The following PCDHA4 variants were observed in gnomAD, a reference collection of about 807,000 sequenced individuals.
PCDHA4 encodes protocadherin alpha-4.
PCDHA4 carries 49 observed loss-of-function variants against 61.4 expected under a neutral mutation model. The ratio of observed to expected loss-of-function variants is 0.80; its 90% CI spans 0.63 to 1.01. The LOEUF (loss-of-function observed/expected upper bound fraction) is 1.01, where lower values mean the gene tolerates loss of function less well. Ranked by LOEUF, PCDHA4 falls within the 50% of genes least tolerant of loss-of-function variation. The pLI is 0.00. For synonymous variants in PCDHA4, 590 were observed against 550.3 expected, an observed-to-expected ratio of 1.07 and a Z score of -1.01; for missense variants, 1,254 against 1,235.8, an observed-to-expected ratio of 1.01 and a Z score of -0.22.
chr5:140,886,843 A>G (rs1247447766), intron 1 of PCDHA4, among the ~76,000 whole-genome samples: 8 of 150,852 alleles, frequency 5.3e-5, no homozygotes, highest in African/African-American at 1.5e-4. Flanking sequence ...AAAAAAAAAA[A>G]AAAAGAAAGG....
chr5:140,918,496 A>G lies in PCDHA4; in HGVS notation c.2386-60453A>G, dbSNP rs79827125. Among the ~76,000 whole-genome samples the G allele has an allele frequency of 8.0e-3, 1,215 of 152,276 alleles. 6 individuals are homozygous for G. Among genetic ancestry groups the G allele is most frequent in the African/African-American group, 0.019 (784 of 41,558 alleles). On this transcript the variant is annotated intron_variant, in intron 1 of 3. Transcript: ENST00000530339. ...TCTCAAGGGGAATGCTTTGGATGGT[A>G]CCAATCCTTTTAAACTTATTGAGGA...
chr5:140,829,771 C>A, intron 1 of PCDHA4: 5 of 1,613,808 alleles, frequency 3.1e-6, no homozygotes, highest in Middle Eastern at 1.7e-4. Context: ...ACGAGAACGA[C>A]AACGCGCCGG....
intron 1 of PCDHA4, chr5:140,857,098 T>G: frequency 6.3e-7 from 1 of 1,597,572 alleles, no homozygotes; most frequent in Non-Finnish European, 8.6e-7. Context: ...CTGAGGTGAT[T>G]GTCACTTCTC....
intron 1 of PCDHA4, among the ~76,000 whole-genome samples, chr5:140,959,036 GTATGT>G (rs2095460948): frequency 6.6e-6 from 1 of 152,032 alleles, no homozygotes; most frequent in African/African-American, 2.4e-5. Flanking sequence ...TCATGGGTAT[GTATGT>G]ATAGGAAAAA....
intron 1 of PCDHA4, chr5:140,815,483 C>T (rs1343193235): frequency 1.3e-5 from 2 of 151,950 alleles, no homozygotes; most frequent in Admixed American, 1.3e-4. Context: ...TCTCCCCTAC[C>T]CAAATTTTAT....
At chr5:140,968,661 T>C (rs1554230945) in intron 1 of PCDHA4, 1 of 1,614,182 alleles carries the variant, frequency 6.2e-7, no homozygotes, top group East Asian at 2.2e-5. Flanking sequence ...GACCTGGACC[T>C]CTTTAAGGTA....
chr5:140,855,858 G>C (rs1203638572), intron 1 of PCDHA4: 4 of 715,822 alleles, frequency 5.6e-6, no homozygotes, highest in Non-Finnish European at 9.0e-6. Context: ...ACCGGATGTC[G>C]CTGTCGTCCA....
chr5:140,886,129 A>G (rs1428853250), intron 1 of PCDHA4, among the ~76,000 whole-genome samples: 1 of 152,224 alleles, frequency 6.6e-6, no homozygotes, highest in Non-Finnish European at 1.5e-5. Flanking sequence ...TTCCGTAACA[A>G]CCAGATTCTT....
intron 1 of PCDHA4, chr5:140,876,130 C>T: frequency 6.2e-7 from 1 of 1,613,938 alleles, no homozygotes; most frequent in Non-Finnish European, 8.5e-7. Context: ...TGGCGGTAAA[C>T]CAGAACTAAC....
chr5:140,967,555 C>T, intron 1 of PCDHA4: 4 of 1,614,008 alleles, frequency 2.5e-6, no homozygotes, highest in Non-Finnish European at 3.4e-6. Flanking sequence ...CCACTTATCG[C>T]GTCCAGCTAC....
At chr5:140,862,076 C>A (rs782160778) in intron 1 of PCDHA4, 1 of 157,430 alleles carries the variant, frequency 6.4e-6, no homozygotes, top group Non-Finnish European at 1.4e-5. Context: ...TCTCCCCTAA[C>A]ATAGAAGCCC....
chr5:140,831,811 G>A (rs1771711397), intron 1 of PCDHA4, among the ~76,000 whole-genome samples: 1 of 152,006 alleles, frequency 6.6e-6, no homozygotes, highest in African/African-American at 2.4e-5. Flanking sequence ...CTGTAAAGTT[G>A]GAATGATAAA....
intron 1 of PCDHA4, chr5:140,843,794 T>G: frequency 7.3e-7 from 1 of 1,365,430 alleles, no homozygotes; most frequent in East Asian, 2.3e-5. Flanking sequence ...CAGATTTAGT[T>G]TTTCACCGTA....
chr5:140,870,955 C>T, intron 1 of PCDHA4: 1 of 1,613,632 alleles, frequency 6.2e-7, no homozygotes, highest in Non-Finnish European at 8.5e-7. Context: ...GGGCGGCTCG[C>T]GCATCCCGTT....
intron 1 of PCDHA4, among the ~76,000 whole-genome samples, chr5:140,917,890 T>C (rs782473137): frequency 1.3e-5 from 2 of 152,098 alleles, no homozygotes; most frequent in Non-Finnish European, 2.9e-5. Context: ...TTTTTTTCCA[T>C]ATGAATGTTA....
intron 1 of PCDHA4, among the ~76,000 whole-genome samples, chr5:140,954,167 CT>C (rs1366012595): frequency 2.6e-5 from 4 of 152,212 alleles, no homozygotes; most frequent in African/African-American, 9.6e-5. Context: ...ACCACATTTT[CT>C]TTATCCAGTC....
At chr5:140,855,140 G>C (rs2043352790) in intron 1 of PCDHA4, among the ~76,000 whole-genome samples, 1 of 149,686 alleles carries the variant, frequency 6.7e-6, no homozygotes. Context: ...TTTGCCTGAT[G>C]AGCCAAATTT....
At chr5:140,845,420 A>T (rs954218239) in intron 1 of PCDHA4, among the ~76,000 whole-genome samples, 2 of 149,530 alleles carry the variant, frequency 1.3e-5, no homozygotes, top group Admixed American at 6.7e-5. Flanking sequence ...GCAATTTATC[A>T]TTTAAGTCAT....
intron 1 of PCDHA4, chr5:140,871,371 G>T: frequency 6.2e-7 from 1 of 1,614,202 alleles, no homozygotes; most frequent in Non-Finnish European, 8.5e-7. Context: ...GGCGGCAGAG[G>T]GTGTGCTCTG....
Sources: allele counts gnomAD v4.1 joint callset (sites outside exome capture counted in the v4.1 genomes callset), GRCh38; gene constraint gnomAD v4.1.1; transcripts MANE v1.5; gene names NCBI Gene and HGNC (gene_info 2026-07-23, HGNC 2026-07-21).